Variants in JCAD observed in about 807,000 individuals in gnomAD.
The protein encoded by JCAD is junctional cadherin 5-associated protein.
In JCAD, 40 loss-of-function variants were observed where a neutral mutation model predicts 98.0. That is an observed-to-expected ratio of 0.41 (90% CI 0.32 to 0.53). JCAD has a LOEUF of 0.53. JCAD is among the 20% of genes least tolerant of loss of function. JCAD has a pLI of 0.31. For missense variants in JCAD, 1,705 were observed against 1,738.1 expected (o/e 0.98, Z 0.34); for synonymous variants, 691 against 682.3 (o/e 1.01, Z -0.20).
chr10:30,035,761 G>C (rs1469215288), intron 2 of JCAD, among the ~76,000 whole-genome samples: 2 of 152,210 alleles, frequency 1.3e-5, no homozygotes, highest in African/African-American at 2.4e-5. Flanking sequence ...ATTAACACAG[G>C]GTGGGAAAAA....
At chr10:30,078,234 G>A (rs1838012390) in intron 1 of JCAD, among the ~76,000 whole-genome samples, 1 of 152,172 alleles carries the variant, frequency 6.6e-6, no homozygotes, top group Admixed American at 6.5e-5. Context: ...ACCAAACAAT[G>A]TGTGTATGAA....
chr10:30,086,780 C>CCTAT (rs1166093233), intron 1 of JCAD, among the ~76,000 whole-genome samples: 8 of 152,184 alleles, frequency 5.3e-5, no homozygotes, highest in African/African-American at 1.9e-4. Context: ...TGAAAATGCT[C>CCTAT]CTATACCTTT....
chr10:30,101,763 A>T (rs1838474379), intron 1 of JCAD, among the ~76,000 whole-genome samples: 1 of 152,180 alleles, frequency 6.6e-6, no homozygotes. Context: ...TCTTTTAAGC[A>T]TAAAATCCTG....
intron 1 of JCAD, among the ~76,000 whole-genome samples, chr10:30,087,766 G>C (rs754641946): frequency 2.6e-5 from 4 of 152,232 alleles, no homozygotes. Context: ...GCAGGGCGGG[G>C]AAGTGGGTAT....
intron 1 of JCAD, among the ~76,000 whole-genome samples, chr10:30,070,385 C>T (rs890869665): frequency 2.6e-5 from 4 of 152,132 alleles, no homozygotes; most frequent in Admixed American, 6.5e-5. Flanking sequence ...TGTCCTGTGT[C>T]GTCTGCACAT....
intron 1 of JCAD, among the ~76,000 whole-genome samples, chr10:30,051,284 G>GCGCACA (rs1554798252): frequency 1.7e-4 from 25 of 146,870 alleles, no homozygotes; most frequent in South Asian, 6.9e-4. Context: ...ACACACGCAC[G>GCGCACA]CACACACACA....
intron 2 of JCAD, chr10:30,044,772 C>T (rs1441763295): frequency 2.0e-6 from 2 of 981,338 alleles, no homozygotes; most frequent in East Asian, 2.3e-4. Context: ...AACAATTCTC[C>T]TTCATGCCTA....
intron 1 of JCAD, among the ~76,000 whole-genome samples, chr10:30,089,818 T>TAC (rs370546951): frequency 2.3e-4 from 35 of 151,572 alleles, no homozygotes; most frequent in Non-Finnish European, 2.7e-4. Flanking sequence ...GTTTTTAAAG[T>TAC]ACACACACAC....
chr10:30,106,903 C>T (rs1346940101), intron 1 of JCAD, among the ~76,000 whole-genome samples: 2 of 152,164 alleles, frequency 1.3e-5, no homozygotes, highest in Non-Finnish European at 2.9e-5. Flanking sequence ...AGAAGGCTGC[C>T]AGCTCAAATG....
chr10:30,070,856 G>A (rs898365864), intron 1 of JCAD, among the ~76,000 whole-genome samples: 3 of 152,168 alleles, frequency 2.0e-5, no homozygotes. Flanking sequence ...GAGTTATGGT[G>A]GATTTTATAT....
chr10:30,111,314 G>A (rs1838698767), intron 1 of JCAD, among the ~76,000 whole-genome samples: 1 of 152,082 alleles, frequency 6.6e-6, no homozygotes, highest in South Asian at 2.1e-4. Flanking sequence ...TTAGAGATGG[G>A]GTCTTGCTAT....
chr10:30,047,441 C>T (rs1474206857), intron 2 of JCAD, 91 bp downstream of exon 2: 4 of 1,460,794 alleles, frequency 2.7e-6, no homozygotes, highest in South Asian at 2.7e-5. Flanking sequence ...TTGGCCCTGG[C>T]CAAATATAGA....
intron 2 of JCAD, among the ~76,000 whole-genome samples, chr10:30,042,372 G>A (rs562402865): frequency 3.3e-5 from 5 of 149,852 alleles, no homozygotes; most frequent in South Asian, 2.1e-4. Context: ...CCCTCTGATC[G>A]GAGCGGGGAG....
intron 1 of JCAD, among the ~76,000 whole-genome samples, chr10:30,098,931 C>T (rs529876891): frequency 6.6e-6 from 1 of 152,274 alleles, no homozygotes. Flanking sequence ...GCAATGTACT[C>T]GCCTTGGTTT....
In JCAD at chr10:30,028,641, G is replaced by A. The variant is rs1429956533; in HGVS notation, c.1507C>T (p.Gln503Ter). ...CTGTTTTCCCCATCCCCGGGGGGCT[G>A]GCCCCACAGCCACCGGGGGCTGGAA... ...ADSSPRWLWG[Q>*]PPGDGENSGL... The change falls in exon 3 of 4, where the codon CAG becomes TAG. Residue 503 changes from glutamine to a stop codon, truncating the protein, a stop_gained. Coordinates refer to ENST00000375377, the MANE Select transcript of JCAD (RefSeq NM_020848.4). LOFTEE classifies it high-confidence loss of function. The A allele has an allele frequency of 6.2e-7, 1 of 1,607,662 alleles. No individual in the cohort carries two copies. The highest frequency in any genetic ancestry group is 8.5e-7 in the Non-Finnish European group (1 of 1,176,920).
chr10:30,053,620 C>T (rs1367063104), intron 1 of JCAD, among the ~76,000 whole-genome samples: 2 of 150,542 alleles, frequency 1.3e-5, no homozygotes, highest in African/African-American at 2.4e-5. Context: ...AATCTTTAAA[C>T]ATCTGAAACC....
At chr10:30,060,646 G>T (rs1837682983), upstream of JCAD, among the ~76,000 whole-genome samples, 1 of 152,116 alleles carries the variant, frequency 6.6e-6, no homozygotes, top group Non-Finnish European at 1.5e-5. Flanking sequence ...GCCACATCAT[G>T]ATTTTAGGAC....
chr10:30,038,901 C>G (rs1447132287), intron 2 of JCAD, among the ~76,000 whole-genome samples: 2 of 152,012 alleles, frequency 1.3e-5, no homozygotes, highest in Non-Finnish European at 2.9e-5. Context: ...CTAATGTGTC[C>G]CCGATGAAGG....
chr10:30,029,755 G>A lies in JCAD; in HGVS notation c.393C>T (p.His131=), dbSNP rs541588370. 59 of 1,614,168 alleles carry A rather than the reference G, an allele frequency of 3.7e-5. No individual in the cohort carries two copies. In the South Asian group the frequency reaches 4.0e-4, roughly 11 times the overall value. ...CCATTCCTCTGGCCTCCAGGTTTTC[G>A]TGCTCCCTCGGCTTCTGGCTCCTGG... The part of the protein sequence containing the change: ...QEARSQKPRE[H]ENLEARGMAQ... Residue 131 remains histidine (H), a synonymous_variant, in exon 3 of 4, where the codon CAC becomes CAT. Coordinates refer to ENST00000375377, the MANE Select transcript of JCAD (RefSeq NM_020848.4).
Sources: gnomAD v4.1 joint callset for allele counts (sites outside exome capture counted in the v4.1 genomes callset) on GRCh38, gnomAD v4.1.1 for gene constraint, MANE v1.5 for transcripts, NCBI Gene and HGNC (gene_info 2026-07-23, HGNC 2026-07-21) for gene names.